CEP95: variants seen among roughly 807,000 people sequenced by gnomAD.
CEP95 encodes centrosomal protein 95, also known as centrosomal protein of 95 kDa.
CEP95 carries 98 observed loss-of-function variants against 111.2 expected under a neutral mutation model. That is an observed-to-expected ratio of 0.88 (90% CI 0.75 to 1.04). CEP95 has a LOEUF of 1.04. Ranked by LOEUF, CEP95 falls within the 50% of genes least tolerant of loss-of-function variation. CEP95 has a pLI of 0.00. For synonymous variants in CEP95, 323 were observed against 327.1 expected (o/e 0.99, Z 0.14); for missense variants, 1,027 against 977.2 (o/e 1.05, Z -0.68).
intron 10 of CEP95, among the ~76,000 whole-genome samples, chr17:64,526,551 A>C (rs181178033): frequency 3.3e-5 from 5 of 152,318 alleles, no homozygotes; most frequent in Admixed American, 2.0e-4. Flanking sequence ...ATTCTCACAA[A>C]ATACAATATT....
chr17:64,533,256 C>A, intron 16 of CEP95, 65 bp downstream of exon 16: 1 of 1,367,306 alleles, frequency 7.3e-7, no homozygotes. Context: ...TTTATCTGTG[C>A]TAGCTGGGCA....
At position 64,533,184 on chromosome 17, in the gene CEP95, A is replaced by G. The variant is rs1555680810; in HGVS notation, c.1910A>G (p.Lys637Arg). The stretch of plus-strand genomic sequence containing the variant: ...GTCAAGAAAGAATATGAACATAACA[A>G]GAGACTGGTATGTCAAGAGCAAGTT... ...TLVKKEYEHN[K>R]RLQDFKDCIR... Residue 637 changes from lysine to arginine, a missense_variant, in exon 16 of 20, where the codon AAG (lysine) becomes AGG (arginine). Physicochemically the swap from Lys to Arg is conservative, Grantham distance 26. Coordinates refer to ENST00000556440, the MANE Select transcript of CEP95 (RefSeq NM_138363.3). 1.9e-6 allele frequency: 3 copies of G among 1,583,128 alleles called. No individual in the cohort carries two copies. The highest frequency in any genetic ancestry group is 1.7e-6 in the Non-Finnish European group (2 of 1,171,046).
intron 8 of CEP95, 36 bp from the exon 9 acceptor site, chr17:64,525,734 G>A (rs951753922): frequency 2.2e-6 from 3 of 1,375,874 alleles, no homozygotes; most frequent in Non-Finnish European, 3.0e-6. Context: ...CTTATTTGTA[G>A]CTTTTTCAAA....
In CEP95 at chr17:64,534,682, A is replaced by AT. The variant is rs1555681170; in HGVS notation, c.2017dup (p.Tyr673LeufsTer2). 3.7e-6 allele frequency: 6 copies of AT among 1,613,470 alleles called. No homozygotes were observed. The highest frequency in any genetic ancestry group is 2.2e-5 in the South Asian group (2 of 90,970). ...GTTCGTGCTCGAAAATATTATGATG[A>AT]TTATAGAGTTCAGTTGTGTGCAAAA... On this transcript the variant is annotated frameshift_variant, in exon 17 of 20. Transcript: ENST00000556440. LOFTEE classifies it high-confidence loss of function.
intron 3 of CEP95, among the ~76,000 whole-genome samples, chr17:64,511,397 G>T (rs185649589): frequency 1.3e-5 from 2 of 152,180 alleles, no homozygotes; most frequent in Non-Finnish European, 2.9e-5. Flanking sequence ...GCCCCCAGGC[G>T]TGTATTCTCT....
chr17:64,529,249 T>C (rs1555679720), intron 11 of CEP95, 39 bp from the exon 12 acceptor site: 2 of 1,574,750 alleles, frequency 1.3e-6, no homozygotes, highest in African/African-American at 2.7e-5. Context: ...ACATTCTGGC[T>C]ATCAGGAACT....
intron 1 of CEP95, 78 bp downstream of exon 1, chr17:64,507,194 T>C: frequency 1.3e-6 from 2 of 1,548,940 alleles, no homozygotes; most frequent in South Asian, 1.2e-5. Flanking sequence ...TAGCCCGGAC[T>C]GGGTCTGGGC....
chr17:64,520,853 C>T (rs1967273718), intron 6 of CEP95, among the ~76,000 whole-genome samples: 1 of 152,172 alleles, frequency 6.6e-6, no homozygotes, highest in Non-Finnish European at 1.5e-5. Flanking sequence ...TTTTCTAAAG[C>T]TAAATAATGA....
intron 11 of CEP95, 131 bp downstream of exon 11, chr17:64,527,395 A>C: frequency 3.3e-6 from 2 of 608,584 alleles, no homozygotes; most frequent in East Asian, 3.3e-5. Context: ...AAGTAATATC[A>C]AACACCTGGA....
At chr17:64,532,783 T>G in intron 14 of CEP95, 56 bp from the exon 15 acceptor site, 1 of 1,559,030 alleles carries the variant, frequency 6.4e-7, no homozygotes, top group Non-Finnish European at 8.7e-7. Flanking sequence ...CCAGGGATGT[T>G]GGATGACAGT....
At chr17:64,537,382 T>C in intron 19 of CEP95, 1 of 1,389,192 alleles carries the variant, frequency 7.2e-7, no homozygotes, top group East Asian at 2.6e-5. Context: ...GTATTATACC[T>C]GTAAAGGGAA....
chr17:64,537,787 C>G lies in CEP95; in HGVS notation c.*8C>G. 1 of 1,552,798 alleles carries G rather than the reference C, an allele frequency of 6.4e-7. No individual in the cohort carries two copies. The highest frequency in any genetic ancestry group is 2.3e-5 in the East Asian group (1 of 43,242). The stretch of plus-strand genomic sequence containing the variant: ...AAAAGTCCCTCCCTATGAGGCCAGA[C>G]TTGATAATAGTAGGTGAAGGTTCTG... On this transcript the variant is annotated 3_prime_UTR_variant, in exon 20 of 20. Transcript: ENST00000556440.
chr17:64,535,835 A>T (rs1045837999), intron 17 of CEP95: 2 of 152,266 alleles, frequency 1.3e-5, no homozygotes, highest in African/African-American at 4.8e-5. Flanking sequence ...TAATGAATGG[A>T]TAAAGAGTGT....
At chr17:64,517,512 A>G in intron 5 of CEP95, among the ~76,000 whole-genome samples, 1 of 151,582 alleles carries the variant, frequency 6.6e-6, no homozygotes, top group East Asian at 1.9e-4. Flanking sequence ...ATTTAGTCAT[A>G]TGTCTATATA....
At chr17:64,507,273 C>A in intron 1 of CEP95, 157 bp downstream of exon 1, 2 of 1,482,338 alleles carry the variant, frequency 1.3e-6, no homozygotes, top group Non-Finnish European at 1.8e-6. Flanking sequence ...GGTCTCTCAG[C>A]TTCACCACCT....
Position 64,537,605 on chromosome 17 carries a change from AT to A in CEP95, c.2294del (p.Leu765TyrfsTer4). The A allele has an allele frequency of 6.3e-7, 1 of 1,588,096 alleles. No homozygotes were observed. ...KAREKSQAQT[L>X]HKVKRELRSK... is the part of the protein sequence containing the mutation. ...GATGACATGCCTTCTTTTTTCAGAC[AT>A]TACATAAGGTGAAGAGGGAGCTGAG... On this transcript the variant is annotated frameshift_variant, in exon 20 of 20. Coordinates refer to ENST00000556440, the MANE Select transcript of CEP95 (RefSeq NM_138363.3). LOFTEE classifies it high-confidence loss of function.
intron 4 of CEP95, 71 bp from the exon 5 acceptor site, chr17:64,516,652 C>A: frequency 1.1e-6 from 1 of 907,736 alleles, no homozygotes; most frequent in Non-Finnish European, 1.7e-6. Context: ...TTACCTTTCC[C>A]TGCCTCTTAC....
Position 64,532,887 on chromosome 17 carries a change from C to T in CEP95, c.1721C>T (p.Pro574Leu), listed in dbSNP as rs782655699. Residue 574 changes from proline (P) to leucine (L), a missense_variant, in exon 15 of 20, where the codon CCG (proline) becomes CTG (leucine). Physicochemically the swap from Pro to Leu is moderately conservative, Grantham distance 98 (BLOSUM62 -3). Transcript: ENST00000556440. ...SLLPLMLEQFPFLYVSGPTLS... is the reference protein window; with the variant it reads ...SLLPLMLEQFLFLYVSGPTLS... ...CTGCCCCTTATGCTGGAGCAGTTTC[C>T]GTTTCTTTATGTTTCTGGCCCAACA... The T allele has an allele frequency of 7.4e-6, 12 of 1,613,680 alleles. No individual in the cohort carries two copies. The highest frequency in any genetic ancestry group is 5.3e-5 in the African/African-American group (4 of 74,892).
At chr17:64,524,890 G>C (rs1555678743) in intron 8 of CEP95, among the ~76,000 whole-genome samples, 3 of 151,918 alleles carry the variant, frequency 2.0e-5, no homozygotes, top group African/African-American at 7.3e-5. Context: ...AGAATTGCTT[G>C]AACCCAGGAG....
Sources: allele counts gnomAD v4.1 joint callset (sites outside exome capture counted in the v4.1 genomes callset), GRCh38; gene constraint gnomAD v4.1.1; transcripts MANE v1.5; gene names NCBI Gene and HGNC (gene_info 2026-07-23, HGNC 2026-07-21).